Variants in TMEM87A observed in about 807,000 individuals in gnomAD.
TMEM87A encodes the protein Golgi-pH regulating cation channel.
In TMEM87A, 50 loss-of-function variants were observed where a neutral mutation model predicts 90.0. The observed-to-expected ratio is 0.56, with a 90% confidence interval of 0.44 to 0.70. TMEM87A has a LOEUF of 0.70. Ranked by LOEUF, TMEM87A falls within the 30% of genes least tolerant of loss-of-function variation. The pLI is 0.00. For missense variants in TMEM87A, 577 were observed against 660.5 expected, an observed-to-expected ratio of 0.87 and a Z score of 1.39; for synonymous variants, 226 against 226.7, an observed-to-expected ratio of 1.00 and a Z score of 0.03.
intron 9 of TMEM87A, 39 bp downstream of exon 9, chr15:42,237,393 C>G (rs2050788459): frequency 6.2e-7 from 1 of 1,603,692 alleles, no homozygotes; most frequent in Non-Finnish European, 8.5e-7. Flanking sequence ...ATCTCACCTT[C>G]CAACCACTCG....
At chr15:42,263,825 CT>C (rs1446209679) in intron 4 of TMEM87A, among the ~76,000 whole-genome samples, 5 of 152,266 alleles carry the variant, frequency 3.3e-5, no homozygotes, top group African/African-American at 1.2e-4. Context: ...GTATTATACA[CT>C]TAGAAATGGT....
chr15:42,261,536 T>C (rs2051291944), intron 4 of TMEM87A, among the ~76,000 whole-genome samples: 2 of 152,222 alleles, frequency 1.3e-5, no homozygotes, highest in Middle Eastern at 3.4e-3. Flanking sequence ...ATGCTTAGGA[T>C]AGAAGAAGCT....
At chr15:42,244,216 C>T in intron 6 of TMEM87A, 49 bp from the exon 7 acceptor site, 1 of 1,296,792 alleles carries the variant, frequency 7.7e-7, no homozygotes, top group Non-Finnish European at 1.1e-6. Flanking sequence ...GAATTAAGAG[C>T]ACAAATTAAT....
chr15:42,242,043 GGTGACAGA>G (rs1819633396), intron 7 of TMEM87A, among the ~76,000 whole-genome samples: 2 of 148,444 alleles, frequency 1.3e-5, no homozygotes, highest in East Asian at 2.0e-4. Context: ...CTCCAGCCTG[GGTGACAGA>G]GTGAGACTCT....
chr15:42,238,050 A>G (rs951956634), intron 8 of TMEM87A, among the ~76,000 whole-genome samples: 1 of 152,026 alleles, frequency 6.6e-6, no homozygotes, highest in African/African-American at 2.4e-5. Context: ...TATGTATCAC[A>G]TATGTATACC....
chr15:42,236,260 T>C (rs1364559075), intron 10 of TMEM87A, 60 bp downstream of exon 10: 7 of 1,373,072 alleles, frequency 5.1e-6, no homozygotes, highest in Non-Finnish European at 7.3e-6. Flanking sequence ...GAACATGCAA[T>C]ACTGTTTTAA....
chr15:42,230,939 A>G (rs2050675776), intron 12 of TMEM87A, among the ~76,000 whole-genome samples: 1 of 152,250 alleles, frequency 6.6e-6, no homozygotes, highest in Non-Finnish European at 1.5e-5. Context: ...ACTTAAAAGA[A>G]AAAAGCCAAA....
At chr15:42,266,708 A>G (rs892539076) in intron 3 of TMEM87A, among the ~76,000 whole-genome samples, 15 of 152,316 alleles carry the variant, frequency 9.8e-5, no homozygotes, top group Middle Eastern at 3.4e-3. Context: ...ATGTAAGAAT[A>G]TCCTAGATAA....
chr15:42,269,889 T>C (rs1360402896), intron 2 of TMEM87A, among the ~76,000 whole-genome samples: 2 of 130,614 alleles, frequency 1.5e-5, no homozygotes, highest in Non-Finnish European at 3.2e-5. Context: ...TGAGCCGAGA[T>C]TGCGCCACTG....
intron 6 of TMEM87A, among the ~76,000 whole-genome samples, chr15:42,245,504 C>CATATGACATTT (rs2050953916): frequency 6.7e-6 from 1 of 149,908 alleles, no homozygotes; most frequent in Admixed American, 6.7e-5. Context: ...CTCTGTTAAG[C>CATATGACATTT]ATATGACATT....
chr15:42,234,534 A>G (rs1399804432), intron 10 of TMEM87A, among the ~76,000 whole-genome samples: 1 of 152,236 alleles, frequency 6.6e-6, no homozygotes, highest in Non-Finnish European at 1.5e-5. Context: ...TTAAGAATTA[A>G]AATTCCCCAT....
Position 42,270,382 on chromosome 15 carries a change from C to T in TMEM87A, c.205+1681G>A, listed in dbSNP as rs149136989. Reference sequence around the variant, plus strand: ...AAAACTCCGTCTCAAAAAACAACAACAAAAAATAAAGTGCCTCAAATCCTC... The same window carrying T: ...AAAACTCCGTCTCAAAAAACAACAATAAAAAATAAAGTGCCTCAAATCCTC... On this transcript the variant is annotated intron_variant, in intron 2 of 19. Coordinates refer to ENST00000389834, the MANE Select transcript of TMEM87A (RefSeq NM_015497.5). 3.3e-3 allele frequency among the ~76,000 whole-genome samples: 505 copies of T among 151,944 alleles called. 3 individuals carry two copies. The highest frequency in any genetic ancestry group is 5.7e-3 in the Non-Finnish European group (385 of 67,950).
intron 15 of TMEM87A, among the ~76,000 whole-genome samples, chr15:42,224,951 A>G (rs1176832875): frequency 1.3e-5 from 2 of 152,238 alleles, no homozygotes; most frequent in African/African-American, 4.8e-5. Flanking sequence ...TGAGGAAGGG[A>G]AAATATTTAA....
Position 42,215,838 on chromosome 15 carries a change from A to G in TMEM87A, c.1626+1965T>C, listed in dbSNP as rs1288676620. Among the ~76,000 whole-genome samples the G allele has an allele frequency of 2.6e-5, 4 of 152,230 alleles. No homozygotes were observed. The East Asian group carries it at 5.8e-4, about 22-fold the overall frequency. On this transcript the variant is annotated intron_variant, in intron 19 of 19. Transcript: ENST00000389834. Reference sequence around the variant, plus strand: ...TGGAAAACAGTATGAAAGCTCCTCAAAAAAATTAAAAAATAACTACCATAT... The same window carrying G: ...TGGAAAACAGTATGAAAGCTCCTCAGAAAAATTAAAAAATAACTACCATAT...
chr15:42,255,336 T>C (rs2051157634), intron 6 of TMEM87A, among the ~76,000 whole-genome samples: 1 of 152,208 alleles, frequency 6.6e-6, no homozygotes, highest in South Asian at 2.1e-4. Flanking sequence ...TTCTCCACGT[T>C]GGTCAGGTTG....
At chr15:42,257,763 A>G (rs1449532891) in intron 6 of TMEM87A, among the ~76,000 whole-genome samples, 1 of 152,212 alleles carries the variant, frequency 6.6e-6, no homozygotes, top group Non-Finnish European at 1.5e-5. Flanking sequence ...ATCAATTGGG[A>G]GTTATTAAAA....
chr15:42,236,375 G>A lies in TMEM87A; in HGVS notation c.913C>T (p.Arg305Cys), dbSNP rs749148379. Residue 305 changes from arginine to cysteine, a missense_variant, in exon 10 of 20, where the codon CGC becomes TGC. Coordinates refer to ENST00000389834, the MANE Select transcript of TMEM87A (RefSeq NM_015497.5). The stretch of plus-strand genomic sequence containing the variant: ...ATGACCAGGGTTCGAGCCAGTGAGC[G>A]TTTCACTGCTGAAAGCAGCTCTGCA... ...ILAELLSAVK[R>C]SLARTLVIIV... 8.1e-6 allele frequency: 13 copies of A among 1,614,106 alleles called. No individual in the cohort carries two copies. Among genetic ancestry groups the A allele is most frequent in the Non-Finnish European group, 1.1e-5 (13 of 1,179,964 alleles).
chr15:42,212,242 A>C (rs2050302491), intron 19 of TMEM87A, among the ~76,000 whole-genome samples: 1 of 152,216 alleles, frequency 6.6e-6, no homozygotes, highest in Non-Finnish European at 1.5e-5. Context: ...TAGTATTTAC[A>C]GTATCCCATT....
At chr15:42,267,845 C>T in intron 3 of TMEM87A, 102 bp downstream of exon 3, 2 of 866,124 alleles carry the variant, frequency 2.3e-6, no homozygotes, top group Non-Finnish European at 1.7e-6. Context: ...TTCAGCTCTC[C>T]TCCTCCATAG....
Sources: allele counts gnomAD v4.1 joint callset (sites outside exome capture counted in the v4.1 genomes callset), GRCh38; gene constraint gnomAD v4.1.1; transcripts MANE v1.5; gene names NCBI Gene and HGNC (gene_info 2026-07-23, HGNC 2026-07-21).